The following XRCC4 variants were observed in gnomAD, a reference collection of about 807,000 sequenced individuals.
XRCC4 encodes DNA repair protein XRCC4.
XRCC4 carries 28 observed loss-of-function variants against 39.1 expected under a neutral mutation model. The ratio of observed to expected loss-of-function variants is 0.72; its 90% CI spans 0.53 to 0.98. The LOEUF (loss-of-function observed/expected upper bound fraction) is 0.98, where lower values mean the gene tolerates loss of function less well. Ranked by LOEUF, XRCC4 falls within the 50% of genes least tolerant of loss-of-function variation. The pLI, the probability that XRCC4 is intolerant of heterozygous loss-of-function variation, is 0.00. For missense variants in XRCC4, 350 were observed against 376.4 expected (o/e 0.93, Z 0.58); for synonymous variants, 123 against 126.4 (o/e 0.97, Z 0.18).
chr5:83,117,804 C>T (rs1392426548), intron 3 of XRCC4, among the ~76,000 whole-genome samples: 2 of 151,944 alleles, frequency 1.3e-5, no homozygotes, highest in South Asian at 2.1e-4. Context: ...CATAGGTAGA[C>T]GTGTGCCATG....
At chr5:83,168,181 A>G (rs1749568975) in intron 3 of XRCC4, among the ~76,000 whole-genome samples, 3 of 152,192 alleles carry the variant, frequency 2.0e-5, no homozygotes, top group Admixed American at 2.0e-4. Flanking sequence ...AGGATTGTAA[A>G]CATTGGAAAG....
intron 6 of XRCC4, among the ~76,000 whole-genome samples, chr5:83,214,845 A>AT (rs1420721072): frequency 4.0e-5 from 5 of 125,290 alleles, no homozygotes; most frequent in East Asian, 4.7e-4. Context: ...TCAAAAAAAA[A>AT]AAATAATAAT....
Position 83,105,016 on chromosome 5 carries a change from G to C in XRCC4, c.97G>C (p.Val33Leu). The stretch of plus-strand genomic sequence containing the variant: ...GGAGAAAACACTGGAATCTGGTTTT[G>C]TTATTACACTTACTGATGGTCATTC... The part of the protein sequence containing the change: ...SWEKTLESGF[V>L]ITLTDGHSAW... The change falls in exon 2 of 8, where the codon GTT becomes CTT. Residue 33 changes from valine to leucine, a missense_variant. Physicochemically the swap from Val to Leu is conservative, Grantham distance 32. Coordinates refer to ENST00000396027, the MANE Select transcript of XRCC4 (RefSeq NM_003401.5). 9.9e-6 allele frequency: 16 copies of C among 1,613,530 alleles called. No homozygotes were observed. The highest frequency in any genetic ancestry group is 1.3e-5 in the Non-Finnish European group (15 of 1,179,736).
intron 6 of XRCC4, among the ~76,000 whole-genome samples, chr5:83,205,906 C>T (rs1751401799): frequency 6.6e-6 from 1 of 151,508 alleles, no homozygotes; most frequent in African/African-American, 2.4e-5. Context: ...GAAGACCATG[C>T]CAAACAGAAA....
chr5:83,185,722 A>G lies in XRCC4; in HGVS notation c.316-10048A>G, dbSNP rs1416554166. 2.6e-5 allele frequency among the ~76,000 whole-genome samples: 4 copies of G among 152,206 alleles called. No homozygotes were observed. In the East Asian group the frequency reaches 7.7e-4, roughly 29 times the overall value. On this transcript the variant is annotated intron_variant, in intron 3 of 7. Transcript: ENST00000396027. ...GAGACTGAATAGCAAGCTCAAAAGC[A>G]TACTTAAATATATATAAATACTTAA...
intron 7 of XRCC4, among the ~76,000 whole-genome samples, chr5:83,309,755 CAAAAAAAAAAAAAA>C (rs10597317): frequency 1.8e-4 from 14 of 79,052 alleles, no homozygotes; most frequent in Admixed American, 5.7e-4. Flanking sequence ...AGACCCGTCT[CAAAAAAAAAAAAAA>C]AAAAAAAAAA....
At chr5:83,346,714 T>C (rs1251371250) in intron 7 of XRCC4, among the ~76,000 whole-genome samples, 2 of 152,102 alleles carry the variant, frequency 1.3e-5, no homozygotes, top group African/African-American at 4.8e-5. Context: ...CAAAACTGTA[T>C]GTTGAAGTAT....
At position 83,203,706 on chromosome 5, in the gene XRCC4, G is replaced by A. The variant is rs1298401873; in HGVS notation, c.637G>A (p.Gly213Arg). ...QEREKDIKQE[G>R]ETAICSEMTA... The stretch of plus-strand genomic sequence containing the variant: ...ACGAGAAAAGGACATCAAACAAGAA[G>A]GGTATTTTCGCTATCTTGTTTTTGG... Residue 213 changes from glycine (G) to arginine (R), a missense_variant and splice_region_variant, in exon 5 of 8, where the codon GGG becomes AGG. Coordinates refer to ENST00000396027, the MANE Select transcript of XRCC4 (RefSeq NM_003401.5). 1.9e-6 allele frequency: 3 copies of A among 1,607,256 alleles called. No individual in the cohort carries two copies. Among genetic ancestry groups the A allele is most frequent in the African/African-American group, 1.3e-5 (1 of 74,526 alleles).
At chr5:83,237,368 A>G (rs1017438059) in intron 6 of XRCC4, among the ~76,000 whole-genome samples, 4 of 152,192 alleles carry the variant, frequency 2.6e-5, no homozygotes, top group African/African-American at 9.6e-5. Context: ...ACAATAGGAT[A>G]TTATGCAGCC....
At chr5:83,200,039 A>G (rs985329261) in intron 4 of XRCC4, among the ~76,000 whole-genome samples, 1 of 152,060 alleles carries the variant, frequency 6.6e-6, no homozygotes, top group African/African-American at 2.4e-5. Flanking sequence ...TTCTCCACTA[A>G]ATGTTCTCAC....
chr5:83,202,053 A>C (rs559229829), intron 4 of XRCC4: 3 of 151,814 alleles, frequency 2.0e-5, no homozygotes, highest in East Asian at 1.9e-4. Context: ...AAAAAAAAAA[A>C]AAACAAAAAA....
At chr5:83,266,828 G>GT (rs1753972666) in intron 7 of XRCC4, among the ~76,000 whole-genome samples, 1 of 152,066 alleles carries the variant, frequency 6.6e-6, no homozygotes, top group Non-Finnish European at 1.5e-5. Context: ...GGATAAAGCA[G>GT]TGTTATCATT....
intron 7 of XRCC4, among the ~76,000 whole-genome samples, chr5:83,273,438 C>G (rs910591304): frequency 6.6e-6 from 1 of 152,000 alleles, no homozygotes; most frequent in African/African-American, 2.4e-5. Context: ...AGATCCCATT[C>G]GTTAATTTTG....
At chr5:83,276,295 A>G (rs1038141371) in intron 7 of XRCC4, among the ~76,000 whole-genome samples, 6 of 152,114 alleles carry the variant, frequency 3.9e-5, no homozygotes, top group Non-Finnish European at 7.4e-5. Context: ...CTAAGCTATG[A>G]TGTTTGGTAG....
At chr5:83,212,134 A>G (rs1311590671) in intron 6 of XRCC4, among the ~76,000 whole-genome samples, 2 of 152,040 alleles carry the variant, frequency 1.3e-5, no homozygotes, top group Non-Finnish European at 2.9e-5. Flanking sequence ...ACACATATGT[A>G]TGTGTGTATA....
chr5:83,274,419 T>C (rs1003527350), intron 7 of XRCC4, among the ~76,000 whole-genome samples: 1 of 152,212 alleles, frequency 6.6e-6, no homozygotes, highest in Non-Finnish European at 1.5e-5. Context: ...AAGCATCTTT[T>C]CAACAAATAT....
At chr5:83,116,836 G>A (rs532899021) in intron 3 of XRCC4, among the ~76,000 whole-genome samples, 6 of 151,946 alleles carry the variant, frequency 3.9e-5, no homozygotes, top group Non-Finnish European at 8.8e-5. Context: ...GGGCCAGGCT[G>A]GTCTCGAACT....
intron 3 of XRCC4, among the ~76,000 whole-genome samples, chr5:83,134,709 G>A (rs1190287487): frequency 6.6e-6 from 1 of 152,172 alleles, no homozygotes; most frequent in Non-Finnish European, 1.5e-5. Flanking sequence ...TGCGTGTTGT[G>A]GAAGCTTTGT....
Position 83,104,949 on chromosome 5 carries a change from T to G in XRCC4, c.30T>G (p.Leu10=). MERKISRIH[L]VSEPSITHFL... ...AGAGAAAAATAAGCAGAATCCACCTTGTTTCTGAACCCAGTATAACTCATT... is the reference window on the plus strand; with the variant it reads ...AGAGAAAAATAAGCAGAATCCACCTGGTTTCTGAACCCAGTATAACTCATT... The change falls in exon 2 of 8, where the codon CTT becomes CTG. Residue 10 remains leucine, a synonymous_variant. Transcript: ENST00000396027. 6.2e-7 allele frequency: 1 copy of G among 1,613,446 alleles called. No individual in the cohort carries two copies. Among genetic ancestry groups the G allele is most frequent in the Non-Finnish European group, 8.5e-7 (1 of 1,179,610 alleles).
Sources: allele counts gnomAD v4.1 joint callset (sites outside exome capture counted in the v4.1 genomes callset), GRCh38; gene constraint gnomAD v4.1.1; transcripts MANE v1.5; gene names NCBI Gene and HGNC (gene_info 2026-07-23, HGNC 2026-07-21).